Variants in ACOX3 observed in about 807,000 individuals in gnomAD.
ACOX3 encodes peroxisomal acyl-coenzyme A oxidase 3.
A neutral mutation model predicts 81.5 loss-of-function variants in ACOX3; 73 were observed. The ratio of observed to expected loss-of-function variants is 0.90; its 90% CI spans 0.74 to 1.09. The LOEUF (loss-of-function observed/expected upper bound fraction) is 1.09. Among genes scored for constraint, ACOX3 ranks in the 50% least tolerant of loss-of-function variants. The pLI, the probability that ACOX3 is intolerant of heterozygous loss-of-function variation, is 0.00. For synonymous variants in ACOX3, 387 were observed against 375.1 expected, an observed-to-expected ratio of 1.03 and a Z score of -0.37; for missense variants, 947 against 928.0, an observed-to-expected ratio of 1.02 and a Z score of -0.27.
At chr4:8,418,451 T>C (rs1578978410) in intron 1 of ACOX3, among the ~76,000 whole-genome samples, 1 of 117,396 alleles carries the variant, frequency 8.5e-6, no homozygotes. Context: ...AGAGCGAGAC[T>C]CCATCTCAAA....
At chr4:8,429,875 G>A (rs1408983245) in intron 1 of ACOX3, among the ~76,000 whole-genome samples, 1 of 151,882 alleles carries the variant, frequency 6.6e-6, no homozygotes, top group Non-Finnish European at 1.5e-5. Flanking sequence ...CCAGGAGTTT[G>A]AGTCTAGCCT....
At chr4:8,412,010 TG>T (rs1290454996) in intron 5 of ACOX3, among the ~76,000 whole-genome samples, 1 of 152,064 alleles carries the variant, frequency 6.6e-6, no homozygotes, top group Non-Finnish European at 1.5e-5. Flanking sequence ...GAGGTGGAAA[TG>T]GGAAGTGGTC....
chr4:8,411,824 C>T lies in ACOX3; in HGVS notation c.544-1469G>A, dbSNP rs551717249. On this transcript the variant is annotated intron_variant, in intron 5 of 17. Transcript: ENST00000356406. ...ACAGCAGAGACCTGTCTGCTGTGCT[C>T]GCCACTTCCAGCCCAGTCTTGGAAA... is the stretch of plus-strand genomic sequence containing the variant. Among the ~76,000 whole-genome samples the T allele has an allele frequency of 6.6e-5, 10 of 152,328 alleles. No homozygotes were observed. The East Asian group carries it at 1.2e-3, about 18-fold the overall frequency.
At chr4:8,403,312 G>C (rs1432784487) in intron 7 of ACOX3, among the ~76,000 whole-genome samples, 1 of 152,194 alleles carries the variant, frequency 6.6e-6, no homozygotes, top group Non-Finnish European at 1.5e-5. Context: ...AAACTGGCTG[G>C]GAAACCCGGA....
rs1403761178 is a variant in ACOX3 at position 8,430,253 on chromosome 4, T to C, written c.-15+10395A>G. On this transcript the variant is annotated intron_variant, in intron 1 of 17. Coordinates refer to ENST00000356406, the MANE Select transcript of ACOX3 (RefSeq NM_003501.3). The surrounding 1 kb of genome is among the most constrained non-coding windows in gnomAD (Gnocchi z 5.2). ...GCAGAAGGAAGGGACTGAAAGATCA[T>C]TTCGGGCCTGGCAGGTACCCTGCTA... Among the ~76,000 whole-genome samples the C allele has an allele frequency of 6.6e-6, 1 of 152,232 alleles. No homozygotes were observed. The highest frequency in any genetic ancestry group is 1.5e-5 in the Non-Finnish European group (1 of 68,048).
chr4:8,364,885 G>A (rs2108770825), downstream of ACOX3, among the ~76,000 whole-genome samples: 1 of 152,320 alleles, frequency 6.6e-6, no homozygotes, highest in Non-Finnish European at 1.5e-5. This position sits in a 1 kb window ranked among gnomAD's most constrained non-coding sequence, Gnocchi z 5.0. Context: ...AGGACAGCTG[G>A]GGCCTGCTCT....
intron 14 of ACOX3, among the ~76,000 whole-genome samples, chr4:8,379,270 G>A (rs748923533): frequency 1.3e-5 from 2 of 152,226 alleles, no homozygotes; most frequent in Admixed American, 6.5e-5. Flanking sequence ...GGAAGGGGCT[G>A]CGTCTCCCCT....
At position 8,397,062 on chromosome 4, in the gene ACOX3, T is replaced by C. The variant is rs556666673; in HGVS notation, c.931A>G (p.Ile311Val). 8.7e-6 allele frequency: 14 copies of C among 1,603,952 alleles called. No homozygotes were observed. In the East Asian group the frequency reaches 2.7e-4, roughly 31 times the overall value. Residue 311 changes from isoleucine (I) to valine (V), a missense_variant, in exon 9 of 18, where the codon ATC (isoleucine) becomes GTC (valine). Ile to Val is a conservative substitution (Grantham distance 29, BLOSUM62 3). Transcript: ENST00000356406. ...AGGTTAAGGATGGCCAGGCTCACGA[T>C]GGAGACCCGGCCCGAGGACAGGCTC... ...LGSLSSGRVS[I>V]VSLAILNLKL...
intron 14 of ACOX3, among the ~76,000 whole-genome samples, chr4:8,378,568 T>C (rs1717256625): frequency 6.6e-6 from 1 of 151,130 alleles, no homozygotes; most frequent in African/African-American, 2.4e-5. Flanking sequence ...CCGCCCATCT[T>C]TTTACTCCCA....
At position 8,381,670 on chromosome 4, in the gene ACOX3, C is replaced by G. The variant is rs1169956647; in HGVS notation, c.1538-63G>C. ...AGAGAACACAGCATTTGTCACAACT[C>G]ACCCCCAGGGACAAGGCACTGCCAG... is the stretch of plus-strand genomic sequence containing the variant. On this transcript the variant is annotated intron_variant, in intron 13 of 17. Transcript: ENST00000356406. The surrounding 1 kb of genome is among the most constrained non-coding windows in gnomAD (Gnocchi z 4.3). The G allele has an allele frequency of 4.6e-6, 6 of 1,300,570 alleles. No individual in the cohort carries two copies. Among genetic ancestry groups the G allele is most frequent in the Non-Finnish European group, 5.5e-6 (5 of 909,722 alleles). 80.6% of individuals were successfully genotyped at this position (1,300,570 alleles called of 1,614,324 possible). A position where few individuals can be genotyped will look rare whatever the true frequency, so the allele number is the denominator to read the frequency against.
chr4:8,387,231 C>T (rs1321743977), intron 13 of ACOX3, among the ~76,000 whole-genome samples: 1 of 152,256 alleles, frequency 6.6e-6, no homozygotes, highest in Non-Finnish European at 1.5e-5. Flanking sequence ...GGTACAAACA[C>T]CTTATGAAGG....
Position 8,410,375 on chromosome 4 carries a change from G to T in ACOX3, c.544-20C>A, listed in dbSNP as rs1346786247. 1 of 1,611,722 alleles carries T rather than the reference G, an allele frequency of 6.2e-7. No homozygotes were observed. The highest frequency in any genetic ancestry group is 2.2e-5 in the East Asian group (1 of 44,786). ...GAATTCCTGCACAAGGGAAAATTTA[G>T]GTTAGTTATAATTAGCAACTAAAGC... On this transcript the variant is annotated intron_variant, in intron 5 of 17. Coordinates refer to ENST00000356406, the MANE Select transcript of ACOX3 (RefSeq NM_003501.3).
intron 9 of ACOX3, among the ~76,000 whole-genome samples, chr4:8,396,487 G>A (rs1476103790): frequency 6.6e-6 from 1 of 151,966 alleles, no homozygotes; most frequent in Non-Finnish European, 1.5e-5. Flanking sequence ...GACCGGCCTG[G>A]CCAAAACAGC....
chr4:8,408,128 A>G (rs1721216885), intron 6 of ACOX3, among the ~76,000 whole-genome samples: 1 of 152,124 alleles, frequency 6.6e-6, no homozygotes, highest in Non-Finnish European at 1.5e-5. Flanking sequence ...TATGTCTGTC[A>G]ATTCACCATC....
chr4:8,379,425 TGGTGTCTGTG>T (rs1578871188), intron 14 of ACOX3, among the ~76,000 whole-genome samples: 2 of 152,218 alleles, frequency 1.3e-5, no homozygotes, highest in African/African-American at 2.4e-5. Flanking sequence ...GCCTTGGGGC[TGGTGTCTGTG>T]GGTGTCTGTC....
At chr4:8,378,591 G>C (rs1255176349) in intron 14 of ACOX3, among the ~76,000 whole-genome samples, 2 of 151,938 alleles carry the variant, frequency 1.3e-5, no homozygotes, top group African/African-American at 2.4e-5. Flanking sequence ...CTGGAGGCAG[G>C]CTGCGGGGAC....
At chr4:8,367,430 C>T (rs1392501316) in intron 17 of ACOX3, among the ~76,000 whole-genome samples, 2 of 152,064 alleles carry the variant, frequency 1.3e-5, no homozygotes, top group Non-Finnish European at 2.9e-5. Flanking sequence ...TTTCAGTGAG[C>T]CGAGATTGCA....
At chr4:8,410,544 C>G (rs1721603493) in intron 5 of ACOX3, among the ~76,000 whole-genome samples, 189 bp from the exon 6 acceptor site, 1 of 152,180 alleles carries the variant, frequency 6.6e-6, no homozygotes, top group African/African-American at 2.4e-5. Flanking sequence ...TATTCCTGGG[C>G]CTTATGACTT....
intron 9 of ACOX3, among the ~76,000 whole-genome samples, chr4:8,395,249 G>A (rs547215101): frequency 2.7e-5 from 4 of 145,738 alleles, no homozygotes; most frequent in Non-Finnish European, 6.0e-5. Context: ...TTGTTGGATG[G>A]GGGGGTGGGT....
Sources: allele counts gnomAD v4.1 joint callset (sites outside exome capture counted in the v4.1 genomes callset), GRCh38; gene constraint gnomAD v4.1.1; non-coding constraint Gnocchi (gnomAD v3.1); transcripts MANE v1.5; gene names NCBI Gene and HGNC (gene_info 2026-07-23, HGNC 2026-07-21).